The following SEM1 variants were observed in gnomAD, a reference collection of about 807,000 sequenced individuals.
The protein encoded by SEM1 is 26S proteasome complex subunit SEM1.
Under a neutral mutation model 12.7 loss-of-function variants are expected in SEM1, and 3 were observed. That is an observed-to-expected ratio of 0.24 (90% CI 0.11 to 0.61). The LOEUF (loss-of-function observed/expected upper bound fraction) is 0.61, where lower values mean the gene tolerates loss of function less well. Among genes scored for constraint, SEM1 ranks in the 20% least tolerant of loss-of-function variants. The pLI is 0.88. For missense variants in SEM1, 59 were observed against 81.3 expected (o/e 0.73, Z 1.06); for synonymous variants, 30 against 27.8 (o/e 1.08, Z -0.25).
rs566815837 is a variant in SEM1, at chr7:96,693,482, A to T, written c.170+1316T>A. Among the ~76,000 whole-genome samples the T allele has an allele frequency of 9.1e-4, 139 of 152,222 alleles. 1 individual carries two copies. In the South Asian group the frequency reaches 0.018, roughly 19 times the overall value. ...AAAAACTATAAAGCTCTTAGAAGAA[A>T]ACAAAGATAAATCTTCATTACATTG... On this transcript the variant is annotated intron_variant, in intron 2 of 2. Coordinates refer to ENST00000248566, the MANE Select transcript of SEM1 (RefSeq NM_006304.2).
intron 2 of SEM1, among the ~76,000 whole-genome samples, chr7:96,634,532 G>C (rs920994339): frequency 6.7e-6 from 1 of 150,202 alleles, no homozygotes; most frequent in African/African-American, 2.4e-5. Flanking sequence ...TCTGATTGGA[G>C]AGACAGACAA....
chr7:96,531,919 T>C (rs1386492667), intron 2 of SEM1, among the ~76,000 whole-genome samples: 5 of 152,108 alleles, frequency 3.3e-5, no homozygotes, highest in African/African-American at 4.8e-5. Context: ...CCCTATTAAG[T>C]ATTTTTACAG....
chr7:96,684,601 A>G (rs546199173), downstream of SEM1, among the ~76,000 whole-genome samples: 7 of 152,232 alleles, frequency 4.6e-5, no homozygotes, highest in South Asian at 8.3e-4. Context: ...AATGGATTGG[A>G]TATTGGGAGA....
chr7:96,591,366 G>T (rs748494490), intron 2 of SEM1, among the ~76,000 whole-genome samples: 42 of 152,132 alleles, frequency 2.8e-4, no homozygotes, highest in Non-Finnish European at 5.9e-4. Flanking sequence ...CCAGAATGGC[G>T]AACTCTGAAC....
chr7:96,526,593 C>T (rs1464131092), intron 2 of SEM1, among the ~76,000 whole-genome samples: 1 of 152,112 alleles, frequency 6.6e-6, no homozygotes, highest in Non-Finnish European at 1.5e-5. Context: ...CCAGGACAAA[C>T]AAAAGACTTC....
chr7:96,639,843 T>G (rs1808536874), intron 2 of SEM1, among the ~76,000 whole-genome samples: 1 of 151,946 alleles, frequency 6.6e-6, no homozygotes, highest in Admixed American at 6.6e-5. Flanking sequence ...AAAGGACTGT[T>G]ATCCTACAAG....
chr7:96,485,601 G>T (rs142812856), intron 2 of SEM1, among the ~76,000 whole-genome samples: 1,818 of 138,344 alleles, frequency 0.013, 38 homozygotes, highest in African/African-American at 0.048. Flanking sequence ...GGAGTGCAGT[G>T]GTGCGATCTC....
chr7:96,552,652 C>T (rs1355545071), intron 2 of SEM1, among the ~76,000 whole-genome samples: 4 of 148,900 alleles, frequency 2.7e-5, no homozygotes, highest in Admixed American at 6.7e-5. Context: ...AATAAACATA[C>T]GTGTGCATGT....
rs74373227 is a variant in SEM1, at chr7:96,523,777, A to G, written c.171-17079T>C. Among the ~76,000 whole-genome samples the G allele has an allele frequency of 8.4e-3, 1,282 of 152,072 alleles. 9 individuals are homozygous for G. Among genetic ancestry groups the G allele is most frequent in the African/African-American group, 0.024 (1,006 of 41,494 alleles). On this transcript the variant is annotated intron_variant and NMD_transcript_variant, in intron 2 of 3. Coordinates refer to the SEM1 transcript ENST00000466986. ...TCCTTCATTATCAACTCCAAACTCAACTACCCTCTGATGTAGTCAAAACTT... is the reference window on the plus strand; with the variant it reads ...TCCTTCATTATCAACTCCAAACTCAGCTACCCTCTGATGTAGTCAAAACTT...
Position 96,694,907 on chromosome 7 carries a change from G to C in SEM1, c.77-16C>G, listed in dbSNP as rs1011406372. 1 of 1,547,942 alleles carries C rather than the reference G, an allele frequency of 6.5e-7. No homozygotes were observed. The highest frequency in any genetic ancestry group is 2.3e-5 in the East Asian group (1 of 44,430). ...CCAGCCCAGTCTAAAAATAGAAACA[G>C]ATGCTGTCTAAATATTTCTCATACA... On this transcript the variant is annotated splice_polypyrimidine_tract_variant and intron_variant, in intron 1 of 2. Coordinates refer to ENST00000248566, the MANE Select transcript of SEM1 (RefSeq NM_006304.2).
chr7:96,554,128 A>G (rs975708821), intron 2 of SEM1, among the ~76,000 whole-genome samples: 4 of 150,722 alleles, frequency 2.7e-5, no homozygotes, highest in East Asian at 1.9e-4. Flanking sequence ...ATATACAATC[A>G]TGTCGTCTGC....
intron 2 of SEM1, among the ~76,000 whole-genome samples, chr7:96,585,601 G>A (rs1806595654): frequency 6.6e-6 from 1 of 152,232 alleles, no homozygotes; most frequent in Admixed American, 6.5e-5. Context: ...TCAGACTGCT[G>A]TGCTAGCAAT....
chr7:96,546,405 C>A (rs1805103821), intron 2 of SEM1, among the ~76,000 whole-genome samples: 1 of 152,114 alleles, frequency 6.6e-6, no homozygotes, highest in Admixed American at 6.6e-5. Context: ...ACAAGCATCT[C>A]TAGAACTTGT....
rs1361812346 is a variant in SEM1 at position 96,494,149 on chromosome 7, T to C, written c.12+2135A>G. 2.6e-5 allele frequency among the ~76,000 whole-genome samples: 4 copies of C among 152,288 alleles called. No homozygotes were observed. The East Asian group carries it at 5.8e-4, about 22-fold the overall frequency. On this transcript the variant is annotated intron_variant, in intron 1 of 3. Coordinates refer to the SEM1 transcript ENST00000356686. Reference sequence around the variant, plus strand: ...TCGTAGTGGTTGTCAAATACCAGAATAGAAAGAGTTCAGCTTAAATAGTTC... The same window carrying C: ...TCGTAGTGGTTGTCAAATACCAGAACAGAAAGAGTTCAGCTTAAATAGTTC...
At chr7:96,654,323 AG>A (rs1274389632) in intron 2 of SEM1, among the ~76,000 whole-genome samples, 1 of 152,216 alleles carries the variant, frequency 6.6e-6, no homozygotes, top group Non-Finnish European at 1.5e-5. Flanking sequence ...CTTCCCCAAT[AG>A]AAAGTGTCAT....
intron 2 of SEM1, among the ~76,000 whole-genome samples, chr7:96,605,126 A>T (rs540192073): frequency 7.2e-5 from 11 of 152,294 alleles, no homozygotes; most frequent in African/African-American, 2.4e-4. Context: ...TCATGAATTC[A>T]TTAGTTTTAA....
At chr7:96,678,392 T>C (rs1789511658) in intron 2 of SEM1, among the ~76,000 whole-genome samples, 1 of 152,140 alleles carries the variant, frequency 6.6e-6, no homozygotes, top group Admixed American at 6.6e-5. Flanking sequence ...AGGAAAAATG[T>C]TTATAATTTT....
At chr7:96,540,641 CA>C (rs1181968462) in intron 2 of SEM1, among the ~76,000 whole-genome samples, 1 of 151,726 alleles carries the variant, frequency 6.6e-6, no homozygotes, top group Non-Finnish European at 1.5e-5. Flanking sequence ...ATTTCAGATT[CA>C]GGGGGAACAT....
chr7:96,627,732 T>C (rs1808118467), intron 2 of SEM1, among the ~76,000 whole-genome samples: 1 of 152,128 alleles, frequency 6.6e-6, no homozygotes, highest in Admixed American at 6.5e-5. Context: ...AGGAAAACAA[T>C]GTTTATTCTG....
Sources: allele counts gnomAD v4.1 joint callset (sites outside exome capture counted in the v4.1 genomes callset), GRCh38; gene constraint gnomAD v4.1.1; transcripts MANE v1.5; gene names NCBI Gene and HGNC (gene_info 2026-07-23, HGNC 2026-07-21).